The following ADCY2 variants were observed in gnomAD, a reference collection of about 807,000 sequenced individuals.
ADCY2 encodes adenylate cyclase type 2.
In ADCY2, 31 loss-of-function variants were observed where a neutral mutation model predicts 125.2. The ratio of observed to expected loss-of-function variants is 0.25; its 90% confidence interval spans 0.19 to 0.33. ADCY2 has a LOEUF of 0.33. Ranked by LOEUF, ADCY2 falls within the 10% of genes least tolerant of loss-of-function variation. ADCY2 has a pLI of 1.00. For synonymous variants in ADCY2, 512 were observed against 548.4 expected, an observed-to-expected ratio of 0.93 and a Z score of 0.93; for missense variants, 904 against 1,418.2, an observed-to-expected ratio of 0.64 and a Z score of 5.82.
intron 2 of ADCY2, among the ~76,000 whole-genome samples, chr5:7,491,338 G>A (rs556956783): frequency 9.2e-5 from 14 of 151,748 alleles, no homozygotes; most frequent in East Asian, 7.8e-4. Context: ...TGCAACCTCC[G>A]CCTCCTGACT....
intron 2 of ADCY2, among the ~76,000 whole-genome samples, chr5:7,465,319 C>CT (rs1282335426): frequency 1.3e-5 from 2 of 152,192 alleles, no homozygotes; most frequent in East Asian, 3.9e-4. Flanking sequence ...CCTCCTGAGT[C>CT]TTTTTTCTCA....
chr5:7,416,907 G>A (rs751887415), intron 2 of ADCY2, among the ~76,000 whole-genome samples: 42 of 152,086 alleles, frequency 2.8e-4, no homozygotes, highest in Non-Finnish European at 4.4e-4. Flanking sequence ...TAGTGTCTGG[G>A]AGGCCAAGTA....
chr5:7,610,479 A>G (rs1737541700), intron 3 of ADCY2, among the ~76,000 whole-genome samples: 2 of 152,172 alleles, frequency 1.3e-5, no homozygotes, highest in South Asian at 4.1e-4. Flanking sequence ...ATTCTTGCCT[A>G]GAGTAGTTTC....
At chr5:7,469,074 T>C (rs1742234856) in intron 2 of ADCY2, among the ~76,000 whole-genome samples, 1 of 152,070 alleles carries the variant, frequency 6.6e-6, no homozygotes, top group Admixed American at 6.5e-5. Flanking sequence ...TATGACAATT[T>C]CCATTTTCTG....
At chr5:7,584,248 C>T (rs778989030) in intron 3 of ADCY2, among the ~76,000 whole-genome samples, 1 of 151,904 alleles carries the variant, frequency 6.6e-6, no homozygotes, top group East Asian at 1.9e-4. Flanking sequence ...ACAATGATAG[C>T]GAATGTTGAA....
In ADCY2 at chr5:7,626,191, A is replaced by G; in HGVS notation, c.595A>G (p.Ile199Val). 1 of 1,613,870 alleles carries G rather than the reference A, an allele frequency of 6.2e-7. No individual in the cohort carries two copies. The highest frequency in any genetic ancestry group is 1.7e-4 in the Middle Eastern group (1 of 6,054). ...GATCCTGGCCAATGTGATCATTTTCATCTGTGGGAACCTGGCGGGAGCCTA... is the reference window on the plus strand; with the variant it reads ...GATCCTGGCCAATGTGATCATTTTCGTCTGTGGGAACCTGGCGGGAGCCTA... ...WQILANVIIFICGNLAGAYHK... is the reference protein window; with the variant it reads ...WQILANVIIFVCGNLAGAYHK... Residue 199 changes from isoleucine (I) to valine (V), a missense_variant, in exon 4 of 25, where the codon ATC becomes GTC. This residue lies in a region of ADCY2 where 117 missense variants were observed against 248.0 expected (regional missense o/e 0.47). Coordinates refer to ENST00000338316, the MANE Select transcript of ADCY2 (RefSeq NM_020546.3).
At chr5:7,785,425 G>A (rs1317518432) in intron 19 of ADCY2, among the ~76,000 whole-genome samples, 1 of 152,124 alleles carries the variant, frequency 6.6e-6, no homozygotes, top group African/African-American at 2.4e-5. Flanking sequence ...CATCTCCCTA[G>A]CACCGAGCTG....
chr5:7,769,985 G>A (rs190659081), intron 17 of ADCY2, among the ~76,000 whole-genome samples: 42 of 152,264 alleles, frequency 2.8e-4, no homozygotes, highest in African/African-American at 8.7e-4. Flanking sequence ...CAGCTAAACC[G>A]TGGAGCCAGG....
chr5:7,690,077 G>A (rs914320971), intron 4 of ADCY2, among the ~76,000 whole-genome samples: 3 of 152,112 alleles, frequency 2.0e-5, no homozygotes, highest in African/African-American at 7.2e-5. Context: ...TACTCAAAAA[G>A]CTCATATGTT....
rs1393582484 is a variant in ADCY2 at position 7,757,555 on chromosome 5, C to G, written c.2063C>G (p.Ala688Gly). 1 of 1,547,974 alleles carries G rather than the reference C, an allele frequency of 6.5e-7. No individual in the cohort carries two copies. Among genetic ancestry groups the G allele is most frequent in the Non-Finnish European group, 8.7e-7 (1 of 1,151,244 alleles). ...PRISLTIITTAIILMMAVFNM... is the reference protein window; with the variant it reads ...PRISLTIITTGIILMMAVFNM... ...ATCTCTCTCACGATCATCACCACAG[C>G]CATCATATTAATGATGGCCGTGTTC... Residue 688 changes from alanine (A) to glycine (G), a missense_variant, in exon 16 of 25, where the codon GCC becomes GGC. Around this residue, in one of 7 missense-constraint regions of ADCY2, gnomAD observed 221 missense variants for 246.2 expected, o/e 0.90. Transcript: ENST00000338316.
chr5:7,790,434 G>A (rs1053563644), intron 20 of ADCY2, among the ~76,000 whole-genome samples: 1 of 152,222 alleles, frequency 6.6e-6, no homozygotes, highest in Non-Finnish European at 1.5e-5. Context: ...AGACTACAAT[G>A]TCAGTTAAAT....
intron 2 of ADCY2, among the ~76,000 whole-genome samples, chr5:7,514,276 G>C (rs1056389135): frequency 6.6e-6 from 1 of 151,264 alleles, no homozygotes; most frequent in Non-Finnish European, 1.5e-5. Context: ...GTAGAATCAA[G>C]TCAGGACCTA....
intron 10 of ADCY2, among the ~76,000 whole-genome samples, chr5:7,711,859 T>G (rs1741451478): frequency 1.3e-5 from 2 of 152,196 alleles, no homozygotes; most frequent in Non-Finnish European, 2.9e-5. Context: ...AGCCCCAAGT[T>G]TTTGGTGATG....
intron 3 of ADCY2, among the ~76,000 whole-genome samples, chr5:7,567,419 C>G (rs1294887375): frequency 3.9e-5 from 6 of 152,116 alleles, no homozygotes; most frequent in South Asian, 2.1e-4. Context: ...GAATTTGTGT[C>G]CTTTTTCCTT....
intron 2 of ADCY2, among the ~76,000 whole-genome samples, chr5:7,453,713 G>T (rs764632041): frequency 1.3e-5 from 2 of 152,102 alleles, no homozygotes; most frequent in Non-Finnish European, 2.9e-5. Flanking sequence ...GCATACTTCC[G>T]GGGTCTTGTG....
At chr5:7,482,089 A>G (rs1218262857) in intron 2 of ADCY2, among the ~76,000 whole-genome samples, 1 of 152,154 alleles carries the variant, frequency 6.6e-6, no homozygotes, top group Non-Finnish European at 1.5e-5. Context: ...CCTGACTCAG[A>G]AATGGTATAA....
In ADCY2 at chr5:7,696,753, G is replaced by A. The variant is rs1035986830; in HGVS notation, c.981+890G>A. Among the ~76,000 whole-genome samples, 3 of 152,116 alleles carry A rather than the reference G, an allele frequency of 2.0e-5. No homozygotes were observed. The South Asian group carries it at 6.2e-4, about 32-fold the overall frequency. ...TTAGGAATAAATCTGGCTTGCAGAT[G>A]TTAGCATGATCATTCTTGGGCCAAA... On this transcript the variant is annotated intron_variant, in intron 6 of 24. Transcript: ENST00000338316.
intron 3 of ADCY2, among the ~76,000 whole-genome samples, chr5:7,572,260 T>G (rs1382586678): frequency 6.6e-6 from 1 of 152,192 alleles, no homozygotes; most frequent in African/African-American, 2.4e-5. Context: ...TAATTTACAC[T>G]CCCGTCAACA....
At chr5:7,595,638 T>C (rs547315444) in intron 3 of ADCY2, among the ~76,000 whole-genome samples, 7 of 152,294 alleles carry the variant, frequency 4.6e-5, no homozygotes, top group Admixed American at 4.6e-4. Context: ...GTAAATATAA[T>C]CATCTCTTAG....
Sources: allele counts gnomAD v4.1 joint callset (sites outside exome capture counted in the v4.1 genomes callset), GRCh38; gene constraint gnomAD v4.1.1; regional missense constraint gnomAD v4.1.1; transcripts MANE v1.5; gene names NCBI Gene and HGNC (gene_info 2026-07-23, HGNC 2026-07-21).